Variants in MGAT4C observed in about 807,000 individuals in gnomAD.
The protein encoded by MGAT4C is MGAT4 family member C.
MGAT4C carries 19 observed loss-of-function variants against 40.1 expected under a neutral mutation model. The observed-to-expected ratio is 0.47, with a 90% CI of 0.33 to 0.70. The LOEUF is 0.70. MGAT4C is among the 30% of genes least tolerant of loss of function. The pLI, the probability that MGAT4C is intolerant of heterozygous loss-of-function variation, is 0.02. For missense variants in MGAT4C, 491 were observed against 563.2 expected, an observed-to-expected ratio of 0.87 and a Z score of 1.30; for synonymous variants, 181 against 187.1, an observed-to-expected ratio of 0.97 and a Z score of 0.27.
At chr12:86,007,743 A>C (rs1420696936) in intron 2 of MGAT4C, among the ~76,000 whole-genome samples, 1 of 152,104 alleles carries the variant, frequency 6.6e-6, no homozygotes, top group African/African-American at 2.4e-5. Flanking sequence ...GATAAAGTCA[A>C]GTTCATTAAT....
intron 1 of MGAT4C, among the ~76,000 whole-genome samples, chr12:86,084,132 C>T (rs1237902826): frequency 2.0e-5 from 3 of 152,008 alleles, no homozygotes; most frequent in Non-Finnish European, 4.4e-5. Flanking sequence ...AGTCCCTGCG[C>T]TCAAAAAACT....
chr12:86,072,408 G>A (rs568790282), intron 1 of MGAT4C, among the ~76,000 whole-genome samples: 1 of 151,326 alleles, frequency 6.6e-6, no homozygotes, highest in East Asian at 1.9e-4. Context: ...CATGAAAGAA[G>A]AGAAGAAAAA....
chr12:86,645,125 G>A (rs539110943), intron 2 of MGAT4C, among the ~76,000 whole-genome samples: 47 of 151,426 alleles, frequency 3.1e-4, no homozygotes, highest in African/African-American at 1.0e-3. Flanking sequence ...ATTTAAAATA[G>A]TCTGTGTTCA....
intron 2 of MGAT4C, among the ~76,000 whole-genome samples, chr12:86,033,980 T>C (rs893237566): frequency 3.3e-5 from 5 of 149,774 alleles, no homozygotes; most frequent in African/African-American, 1.2e-4. Flanking sequence ...TGAATTTTAT[T>C]GAATGCTTTT....
At chr12:86,205,545 GA>G (rs1198796754) in intron 1 of MGAT4C, among the ~76,000 whole-genome samples, 1 of 151,478 alleles carries the variant, frequency 6.6e-6, no homozygotes, top group African/African-American at 2.4e-5. Flanking sequence ...ATTGTAACCA[GA>G]AATTAGATAT....
intron 2 of MGAT4C, among the ~76,000 whole-genome samples, chr12:86,583,114 T>C (rs779765522): frequency 1.3e-5 from 2 of 151,314 alleles, no homozygotes; most frequent in African/African-American, 2.4e-5. Context: ...TTTTAGAAAA[T>C]TAAAATCAGA....
chr12:86,605,129 G>A (rs1421812384), intron 2 of MGAT4C, among the ~76,000 whole-genome samples: 1 of 152,072 alleles, frequency 6.6e-6, no homozygotes, highest in Non-Finnish European at 1.5e-5. Context: ...TCCTCACAGG[G>A]TGTGGTCTCA....
At chr12:86,646,959 G>A (rs1271974800) in intron 2 of MGAT4C, among the ~76,000 whole-genome samples, 1 of 151,918 alleles carries the variant, frequency 6.6e-6, no homozygotes, top group Non-Finnish European at 1.5e-5. Flanking sequence ...ATTAGCCAAG[G>A]TGACACAGCA....
rs560561676 is a variant in MGAT4C, at chr12:86,571,707, T to A, written c.-228-136442A>T. 9.2e-5 allele frequency among the ~76,000 whole-genome samples: 14 copies of A among 152,248 alleles called. 1 individual carries two copies. The South Asian group carries it at 2.9e-3, about 32-fold the overall frequency. ...TATAAGCTTTAATCCTACCTTAGCA[T>A]GGATAATGGAGAGTTAACTGTAAAA... On this transcript the variant is annotated intron_variant, in intron 2 of 7. Coordinates refer to the MGAT4C transcript ENST00000548651.
rs181659660 is a variant in MGAT4C at position 86,412,195 on chromosome 12, A to C, written c.-120+22962T>G. 9.9e-3 allele frequency among the ~76,000 whole-genome samples: 1,506 copies of C among 152,320 alleles called. 87 individuals carry two copies. The highest frequency in any genetic ancestry group is 2.8e-3 in the Non-Finnish European group (189 of 68,028). On this transcript the variant is annotated intron_variant, in intron 3 of 7. Transcript: ENST00000548651. ...GAAAACGTGGGGTTGGAGGCCCCCC[A>C]CAGATTCCCCACTGGGGCACTTCCT... is the stretch of plus-strand genomic sequence containing the variant.
chr12:86,160,009 T>C (rs1885415436), intron 1 of MGAT4C, among the ~76,000 whole-genome samples: 1 of 152,148 alleles, frequency 6.6e-6, no homozygotes, highest in African/African-American at 2.4e-5. Flanking sequence ...TACGTTGATC[T>C]TTTTATAGAT....
chr12:85,989,905 G>T (rs983688433), intron 2 of MGAT4C, among the ~76,000 whole-genome samples: 1 of 152,030 alleles, frequency 6.6e-6, no homozygotes, highest in Non-Finnish European at 1.5e-5. Flanking sequence ...CATCAGTGAG[G>T]TATAACTTTA....
chr12:86,552,227 TAC>T (rs1959401581), intron 2 of MGAT4C, among the ~76,000 whole-genome samples: 1 of 152,060 alleles, frequency 6.6e-6, no homozygotes, highest in African/African-American at 2.4e-5. Context: ...TTATTTTTAT[TAC>T]TCACTTAACG....
At chr12:86,834,285 G>A (rs943433945) in intron 1 of MGAT4C, among the ~76,000 whole-genome samples, 26 of 151,730 alleles carry the variant, frequency 1.7e-4, no homozygotes, top group African/African-American at 6.0e-4. Flanking sequence ...TAGTGGCCAA[G>A]CCAAACCATT....
intron 1 of MGAT4C, among the ~76,000 whole-genome samples, chr12:86,118,900 T>A (rs1187452600): frequency 1.3e-5 from 2 of 152,120 alleles, no homozygotes; most frequent in African/African-American, 4.8e-5. Context: ...TCCTAATATT[T>A]TATGTAGATT....
chr12:86,500,031 A>G (rs1958311085), intron 2 of MGAT4C, among the ~76,000 whole-genome samples: 1 of 151,874 alleles, frequency 6.6e-6, no homozygotes, highest in Non-Finnish European at 1.5e-5. Flanking sequence ...ATATCAAAAC[A>G]TGCAGAGAGC....
At chr12:86,479,651 T>C (rs953065474) in intron 2 of MGAT4C, among the ~76,000 whole-genome samples, 5 of 152,060 alleles carry the variant, frequency 3.3e-5, no homozygotes, top group Admixed American at 1.3e-4. Flanking sequence ...ACTATAGTTA[T>C]AAAAAATGTC....
intron 2 of MGAT4C, among the ~76,000 whole-genome samples, chr12:86,490,561 T>C (rs948988590): frequency 1.7e-3 from 263 of 151,694 alleles, no homozygotes; most frequent in Non-Finnish European, 3.1e-3. Flanking sequence ...AGGATCAAAT[T>C]CACACATAAC....
At position 86,110,056 on chromosome 12, in the gene MGAT4C, A is replaced by G. The variant is rs181275125; in HGVS notation, c.-56-60333T>C. ...GCCCTGTAAAAGTTATAACTTCAGG[A>G]ATTTTGAGGGTCAGAAGAATGCCAA... On this transcript the variant is annotated intron_variant, in intron 1 of 4. Coordinates refer to ENST00000611864, the MANE Select transcript of MGAT4C (RefSeq NM_001351288.2). 5.1e-3 allele frequency among the ~76,000 whole-genome samples: 770 copies of G among 150,934 alleles called. 18 individuals are homozygous for G. Among genetic ancestry groups the G allele is most frequent in the Admixed American group, 0.045 (681 of 14,986 alleles).
Sources: allele counts gnomAD v4.1 joint callset (sites outside exome capture counted in the v4.1 genomes callset), GRCh38; gene constraint gnomAD v4.1.1; transcripts MANE v1.5; gene names NCBI Gene and HGNC (gene_info 2026-07-23, HGNC 2026-07-21).